LINGO2: variants seen among roughly 807,000 people sequenced by gnomAD.
The protein encoded by LINGO2 is leucine-rich repeat and immunoglobulin-like domain-containing nogo receptor-interacting protein 2.
In LINGO2, 14 loss-of-function variants were observed where a neutral mutation model predicts 30.6. That is an observed-to-expected ratio of 0.46 (90% CI 0.30 to 0.72). The LOEUF is 0.72. LINGO2 is among the 30% of genes least tolerant of loss of function. The pLI, the probability that LINGO2 is intolerant of heterozygous loss-of-function variation, is 0.07. For synonymous variants in LINGO2, 317 were observed against 288.5 expected (o/e 1.10, Z -1.00); for missense variants, 729 against 751.7 (o/e 0.97, Z 0.35).
intron 4 of LINGO2, among the ~76,000 whole-genome samples, chr9:28,232,419 C>CAAAAA (rs1220539550): frequency 7.5e-5 from 6 of 79,690 alleles, no homozygotes; most frequent in South Asian, 4.7e-4. Flanking sequence ...TTCTATCTCA[C>CAAAAA]AAAAAAAAAA....
At chr9:27,945,410 G>T (rs1314664868), downstream of LINGO2, among the ~76,000 whole-genome samples, 1 of 152,050 alleles carries the variant, frequency 6.6e-6, no homozygotes, top group African/African-American at 2.4e-5. Flanking sequence ...AATGAAAAAA[G>T]AATCCATCCT....
chr9:29,203,853 G>A, the LINGO2 span, among the ~76,000 whole-genome samples: 14 of 152,124 alleles, frequency 9.2e-5, 1 homozygote, highest in Admixed American at 5.9e-4. Flanking sequence ...GCCCCAGGAA[G>A]TTCCTTCACT....
chr9:28,131,614 T>C (rs911255983), intron 4 of LINGO2, among the ~76,000 whole-genome samples: 9 of 152,164 alleles, frequency 5.9e-5, no homozygotes, highest in Admixed American at 2.6e-4. Flanking sequence ...TAGTAGAGTT[T>C]AGCTGGTAAT....
intron 1 of LINGO2, among the ~76,000 whole-genome samples, chr9:28,662,014 A>G (rs934628930): frequency 1.3e-5 from 2 of 152,206 alleles, no homozygotes; most frequent in Non-Finnish European, 2.9e-5. Context: ...TGGAAATGGC[A>G]CTTTCAGAAT....
chr9:28,969,903 T>G, the LINGO2 span, among the ~76,000 whole-genome samples: 2 of 152,232 alleles, frequency 1.3e-5, no homozygotes, highest in Non-Finnish European at 1.5e-5. Flanking sequence ...TTCTTTGTAA[T>G]GAGTTTAGGA....
intron 2 of LINGO2, among the ~76,000 whole-genome samples, chr9:28,374,111 T>C (rs865800634): frequency 6.6e-6 from 1 of 151,704 alleles, no homozygotes; most frequent in Middle Eastern, 3.5e-3. Context: ...ACGAAGGACA[T>C]GAGGCCTTTG....
rs563567644 is a variant in LINGO2, at chr9:28,017,698, T to C, written c.-86-5293A>G. Among the ~76,000 whole-genome samples the C allele has an allele frequency of 1.3e-3, 197 of 152,168 alleles. 1 individual carries two copies. The highest frequency in any genetic ancestry group is 0.01 in the South Asian group (50 of 4,820). On this transcript the variant is annotated intron_variant, in intron 4 of 5. Transcript: ENST00000379992. The stretch of plus-strand genomic sequence containing the variant: ...CAAATGAGAATTTCAAAACACTGCT[T>C]AAAGAAATCAGAGATGACACAAATT...
At chr9:28,694,993 G>A in the LINGO2 span, among the ~76,000 whole-genome samples, 1 of 149,630 alleles carries the variant, frequency 6.7e-6, no homozygotes. Context: ...ATTTACTGTA[G>A]GTGAGTTGTA....
At chr9:28,055,578 C>T (rs1341243119) in intron 4 of LINGO2, among the ~76,000 whole-genome samples, 1 of 152,144 alleles carries the variant, frequency 6.6e-6, no homozygotes, top group Non-Finnish European at 1.5e-5. Context: ...AAGTGTAAGG[C>T]TTCAGTCTAA....
chr9:28,117,502 C>T (rs1281823759), intron 4 of LINGO2, among the ~76,000 whole-genome samples: 1 of 87,780 alleles, frequency 1.1e-5, no homozygotes, highest in African/African-American at 4.5e-5. Flanking sequence ...GGGCGCCCCT[C>T]CCCCAGCCTC....
chr9:28,126,163 T>C (rs1356065340), intron 4 of LINGO2, among the ~76,000 whole-genome samples: 2 of 152,168 alleles, frequency 1.3e-5, no homozygotes, highest in Non-Finnish European at 2.9e-5. Flanking sequence ...GAATGTGATA[T>C]CATATTCTGT....
chr9:28,622,479 A>C (rs1205563934), intron 1 of LINGO2, among the ~76,000 whole-genome samples: 3 of 152,016 alleles, frequency 2.0e-5, no homozygotes, highest in Non-Finnish European at 4.4e-5. Context: ...ATTTCACTTA[A>C]CATAATGATC....
At chr9:29,085,203 C>T in the LINGO2 span, among the ~76,000 whole-genome samples, 327 of 144,252 alleles carry the variant, frequency 2.3e-3, 3 homozygotes, top group African/African-American at 7.8e-3. Context: ...TCCAAAAATT[C>T]CTCTTATATT....
chr9:29,144,571 G>C, the LINGO2 span, among the ~76,000 whole-genome samples: 1 of 152,084 alleles, frequency 6.6e-6, no homozygotes, highest in Non-Finnish European at 1.5e-5. Flanking sequence ...CTGGAAGATG[G>C]AAGCAAAACC....
At chr9:28,264,521 C>G (rs191655983) in intron 4 of LINGO2, among the ~76,000 whole-genome samples, 57 of 152,008 alleles carry the variant, frequency 3.7e-4, no homozygotes, top group Admixed American at 3.4e-3. Flanking sequence ...CTGAAATATT[C>G]CTGTTAGCTA....
At chr9:28,529,587 C>A (rs900831653) in intron 1 of LINGO2, among the ~76,000 whole-genome samples, 12 of 150,706 alleles carry the variant, frequency 8.0e-5, no homozygotes, top group African/African-American at 2.9e-4. Context: ...CCATTAAGAC[C>A]AGTTGCAAAT....
chr9:28,847,379 A>T, the LINGO2 span, among the ~76,000 whole-genome samples: 1 of 147,822 alleles, frequency 6.8e-6, no homozygotes, highest in Non-Finnish European at 1.5e-5. Context: ...AGTCAGACTT[A>T]ATATGTCAGA....
intron 1 of LINGO2, among the ~76,000 whole-genome samples, chr9:28,567,439 T>C (rs1042941076): frequency 6.6e-6 from 1 of 152,140 alleles, no homozygotes; most frequent in African/African-American, 2.4e-5. Flanking sequence ...AAGTGGTACA[T>C]ATACACTGTG....
Position 28,537,883 on chromosome 9 carries a change from A to T in LINGO2, c.-364-61858T>A, listed in dbSNP as rs944995805. On this transcript the variant is annotated intron_variant, in intron 1 of 5. Transcript: ENST00000379992. ...AAAGTGTTAAATTAAAAAAAAAAAA[A>T]ACTTAAACACTTCTTTTAGAAGAAA... Among the ~76,000 whole-genome samples the T allele has an allele frequency of 9.0e-4, 137 of 151,950 alleles. 1 individual carries two copies. The highest frequency in any genetic ancestry group is 3.1e-3 in the African/African-American group (127 of 41,512).
Sources: allele counts gnomAD v4.1 joint callset (sites outside exome capture counted in the v4.1 genomes callset), GRCh38; gene constraint gnomAD v4.1.1; transcripts MANE v1.5; gene names NCBI Gene and HGNC (gene_info 2026-07-23, HGNC 2026-07-21).